Variants in ADAMTS18 observed in about 807,000 individuals in gnomAD.
The protein encoded by ADAMTS18 is A disintegrin and metalloproteinase with thrombospondin motifs 18.
Under a neutral mutation model 165.9 loss-of-function variants are expected in ADAMTS18, and 157 were observed. That is an observed-to-expected ratio of 0.95 (90% CI 0.83 to 1.08). The LOEUF (loss-of-function observed/expected upper bound fraction) is 1.08. ADAMTS18 is among the 50% of genes least tolerant of loss of function. The pLI, the probability that ADAMTS18 is intolerant of heterozygous loss-of-function variation, is 0.00. For synonymous variants in ADAMTS18, 782 were observed against 578.2 expected, an observed-to-expected ratio of 1.35 and a Z score of -5.06; for missense variants, 2,040 against 1,534.0, an observed-to-expected ratio of 1.33 and a Z score of -5.51.
At chr16:77,340,971 T>A (rs1266592002) in intron 11 of ADAMTS18, among the ~76,000 whole-genome samples, 1 of 152,202 alleles carries the variant, frequency 6.6e-6, no homozygotes, top group African/African-American at 2.4e-5. Flanking sequence ...AACATCTCAT[T>A]ATCTCTTGTC....
chr16:77,399,313 G>C (rs1046967815), intron 3 of ADAMTS18, among the ~76,000 whole-genome samples: 3 of 152,166 alleles, frequency 2.0e-5, no homozygotes, highest in Non-Finnish European at 4.4e-5. Flanking sequence ...AGGAAAGTAG[G>C]CCAGAGAGAT....
intron 3 of ADAMTS18, among the ~76,000 whole-genome samples, chr16:77,372,034 C>G (rs1371121274): frequency 6.6e-6 from 1 of 152,078 alleles, no homozygotes; most frequent in Non-Finnish European, 1.5e-5. Context: ...TGCTCAACAT[C>G]ACTAATTTTC....
At chr16:77,367,170 G>A (rs1008439843) in intron 4 of ADAMTS18, among the ~76,000 whole-genome samples, 7 of 151,986 alleles carry the variant, frequency 4.6e-5, no homozygotes, top group African/African-American at 1.5e-4. Flanking sequence ...TACTTTTCTC[G>A]GAAGCACAGA....
At position 77,341,696 on chromosome 16, in the gene ADAMTS18, C is replaced by A. The variant is rs748763062; in HGVS notation, c.1710+8G>T. 1.9e-6 allele frequency: 3 copies of A among 1,607,722 alleles called. 1 individual carries two copies. In the Admixed American group the frequency reaches 5.0e-5, roughly 27 times the overall value. ...CTGGAGCTAAAAACTAACAAGTATG[C>A]AGTTTACCATACTCAAGCCACAAAC... On this transcript the variant is annotated splice_region_variant and intron_variant, in intron 11 of 22. Coordinates refer to ENST00000282849, the MANE Select transcript of ADAMTS18 (RefSeq NM_199355.4).
chr16:77,324,863 C>G (rs967662446), intron 13 of ADAMTS18, among the ~76,000 whole-genome samples: 8 of 152,176 alleles, frequency 5.3e-5, no homozygotes, highest in Non-Finnish European at 8.8e-5. Context: ...ATTACTTCCT[C>G]CTAAGACACA....
intron 8 of ADAMTS18, 118 bp from the exon 9 acceptor site, chr16:77,356,195 T>C: frequency 7.3e-7 from 1 of 1,378,084 alleles, no homozygotes; most frequent in Non-Finnish European, 1.0e-6. Flanking sequence ...GACAGAGTTA[T>C]TAAAACTGGA....
chr16:77,314,389 C>T (rs1347191377), intron 16 of ADAMTS18, among the ~76,000 whole-genome samples: 1 of 151,914 alleles, frequency 6.6e-6, no homozygotes, highest in African/African-American at 2.4e-5. Flanking sequence ...GGGTGGATTA[C>T]TTGAGGTCAG....
intron 3 of ADAMTS18, among the ~76,000 whole-genome samples, chr16:77,411,211 G>A (rs1329591553): frequency 6.6e-6 from 1 of 152,054 alleles, no homozygotes; most frequent in Non-Finnish European, 1.5e-5. Context: ...ATCCTGCTGG[G>A]GTGCTCTTCC....
At chr16:77,289,170 TG>T in intron 22 of ADAMTS18, 93 bp downstream of exon 22, 1 of 1,497,516 alleles carries the variant, frequency 6.7e-7, no homozygotes. Context: ...ACCCTAGAGT[TG>T]TACAATGTCA....
intron 10 of ADAMTS18, among the ~76,000 whole-genome samples, chr16:77,349,224 CT>C (rs1168561690): frequency 1.1e-4 from 16 of 152,102 alleles, no homozygotes; most frequent in Admixed American, 9.2e-4. Flanking sequence ...AAAAGTCAAG[CT>C]GGGAACTCGG....
intron 12 of ADAMTS18, among the ~76,000 whole-genome samples, chr16:77,335,356 G>T (rs528656051): frequency 6.6e-6 from 1 of 151,144 alleles, no homozygotes; most frequent in Non-Finnish European, 1.5e-5. Flanking sequence ...GAGGGAGAAT[G>T]GTAATGTCAG....
chr16:77,392,417 T>C (rs979799591), intron 3 of ADAMTS18, among the ~76,000 whole-genome samples: 6 of 152,158 alleles, frequency 3.9e-5, no homozygotes, highest in African/African-American at 7.2e-5. Context: ...GTCCTGCTTA[T>C]TCTGCCCTAA....
intron 3 of ADAMTS18, among the ~76,000 whole-genome samples, chr16:77,382,627 C>T (rs1479569322): frequency 6.6e-6 from 1 of 152,154 alleles, no homozygotes; most frequent in African/African-American, 2.4e-5. Context: ...ACCCTTGTGC[C>T]TCATAATCCT....
intron 21 of ADAMTS18, among the ~76,000 whole-genome samples, chr16:77,290,070 G>T (rs1246841651): frequency 1.3e-5 from 2 of 151,920 alleles, no homozygotes; most frequent in Admixed American, 6.6e-5. Flanking sequence ...ATTTTAAAAA[G>T]TTACTACATT....
At chr16:77,323,121 A>G (rs1431002507) in intron 13 of ADAMTS18, among the ~76,000 whole-genome samples, 1 of 152,050 alleles carries the variant, frequency 6.6e-6, no homozygotes, top group Non-Finnish European at 1.5e-5. Context: ...TCAAAGGCAA[A>G]AATTAAAAAA....
At chr16:77,368,303 G>GTTT (rs1185890221) in intron 3 of ADAMTS18, among the ~76,000 whole-genome samples, 2 of 152,148 alleles carry the variant, frequency 1.3e-5, no homozygotes, top group African/African-American at 2.4e-5. Flanking sequence ...TGTGCCTGAA[G>GTTT]GGCTGAGCCA....
At chr16:77,388,465 C>T (rs537307704) in intron 3 of ADAMTS18, among the ~76,000 whole-genome samples, 1 of 152,134 alleles carries the variant, frequency 6.6e-6, no homozygotes, top group Non-Finnish European at 1.5e-5. Flanking sequence ...CAGAAAACAT[C>T]GTGATCACGC....
chr16:77,287,263 C>A (rs1028710072), intron 22 of ADAMTS18, among the ~76,000 whole-genome samples: 1 of 152,174 alleles, frequency 6.6e-6, no homozygotes, highest in Non-Finnish European at 1.5e-5. Flanking sequence ...TTACTGCTCA[C>A]TAATGTTTTC....
At chr16:77,351,759 G>C (rs932596088) in intron 10 of ADAMTS18, among the ~76,000 whole-genome samples, 2 of 151,894 alleles carry the variant, frequency 1.3e-5, no homozygotes, top group South Asian at 2.1e-4. Context: ...TAGGGTCTCA[G>C]TCTGTTGCCT....
Sources: allele counts gnomAD v4.1 joint callset (sites outside exome capture counted in the v4.1 genomes callset), GRCh38; gene constraint gnomAD v4.1.1; transcripts MANE v1.5; gene names NCBI Gene and HGNC (gene_info 2026-07-23, HGNC 2026-07-21).